Variants in EPB41L3 observed in about 807,000 individuals in gnomAD.
EPB41L3 encodes the protein erythrocyte membrane protein band 4.1 like 3.
Under a neutral mutation model 127.1 loss-of-function variants are expected in EPB41L3, and 57 were observed. That is an observed-to-expected ratio of 0.45 (90% CI 0.36 to 0.56). The LOEUF (loss-of-function observed/expected upper bound fraction) is 0.56, where lower values mean the gene tolerates loss of function less well. Ranked by LOEUF, EPB41L3 falls within the 20% of genes least tolerant of loss-of-function variation. EPB41L3 has a pLI of 0.00. For missense variants in EPB41L3, 1,273 were observed against 1,372.2 expected (o/e 0.93, Z 1.14); for synonymous variants, 572 against 549.5 (o/e 1.04, Z -0.57).
chr18:5,566,029 G>C (rs1458803482), intron 3 of EPB41L3, among the ~76,000 whole-genome samples: 1 of 152,040 alleles, frequency 6.6e-6, no homozygotes, highest in East Asian at 1.9e-4. Context: ...GCAAAAACTG[G>C]AAGCATTCCC....
chr18:5,541,252 CAAAA>C (rs370717420), intron 1 of EPB41L3, among the ~76,000 whole-genome samples: 27 of 46,766 alleles, frequency 5.8e-4, no homozygotes, highest in South Asian at 4.6e-3. Context: ...GACTCCATCT[CAAAA>C]AAAAAAAAAA....
In EPB41L3 at chr18:5,395,050, C is replaced by G. The variant is rs368350627; in HGVS notation, c.3153+17G>C. 1 of 1,611,636 alleles carries G rather than the reference C, an allele frequency of 6.2e-7. No homozygotes were observed. The highest frequency in any genetic ancestry group is 8.5e-7 in the Non-Finnish European group (1 of 1,177,846). On this transcript the variant is annotated intron_variant, in intron 21 of 22. Transcript: ENST00000341928. The stretch of plus-strand genomic sequence containing the variant: ...TTTGTTTCTCTGCCAGGGTATTTAC[C>G]GTCTCACACACACTACCTGGTCATG...
intron 3 of EPB41L3, among the ~76,000 whole-genome samples, chr18:5,561,224 G>A (rs1406819582): frequency 9.9e-5 from 15 of 152,004 alleles, no homozygotes; most frequent in Non-Finnish European, 1.8e-4. Context: ...TGATCCGCCC[G>A]CCTCGGCCTC....
chr18:5,614,065 T>C (rs2094762928), intron 2 of EPB41L3, among the ~76,000 whole-genome samples: 1 of 152,048 alleles, frequency 6.6e-6, no homozygotes, highest in South Asian at 2.1e-4. Context: ...GAAGGGCAAA[T>C]GATACAAGAT....
Position 5,397,391 on chromosome 18 carries a change from C to A in EPB41L3, c.2508G>T (p.Glu836Asp). ...METKTESSGI[E>D]TEPTVHHLPL... is the part of the protein sequence containing the mutation. ...GCAGGTGGTGCACGGTGGGTTCCGT[C>A]TCTATTCCACTGGACTCCGTCTTGG... The change falls in exon 18 of 23, where the codon GAG (glutamate) becomes GAT (aspartate). Residue 836 changes from glutamate (E) to aspartate (D), a missense_variant. Transcript: ENST00000341928. This position sits in a 1 kb window ranked among gnomAD's most constrained non-coding sequence, Gnocchi z 4.1. The A allele has an allele frequency of 6.2e-7, 1 of 1,613,498 alleles. No homozygotes were observed. Among genetic ancestry groups the A allele is most frequent in the South Asian group, 1.1e-5 (1 of 90,960 alleles).
At position 5,416,228 on chromosome 18, in the gene EPB41L3, C is replaced by A; in HGVS notation, c.1657G>T (p.Glu553Ter). ...GGGCCATCAGAGTCCAAGGCGGGCTCTCCAGGCAGGTGCTCAGCTCTGGAC... is the reference window on the plus strand; with the variant it reads ...GGGCCATCAGAGTCCAAGGCGGGCTATCCAGGCAGGTGCTCAGCTCTGGAC... Reference protein sequence around the residue: ...EPSRAEHLPGEPALDSDGPGR... With the variant: ...EPSRAEHLPG Residue 553 changes from glutamate (E) to a stop codon, truncating the protein, a stop_gained, in exon 13 of 23, where the codon GAG becomes TAG. Transcript: ENST00000341928. LOFTEE classifies it high-confidence loss of function. 6.2e-7 allele frequency: 1 copy of A among 1,614,160 alleles called. No homozygotes were observed. Among genetic ancestry groups the A allele is most frequent in the Non-Finnish European group, 8.5e-7 (1 of 1,180,042 alleles).
At chr18:5,628,694 C>G (rs1344399411) in intron 1 of EPB41L3, among the ~76,000 whole-genome samples, 4 of 152,282 alleles carry the variant, frequency 2.6e-5, no homozygotes, top group Admixed American at 2.6e-4. Context: ...AAGCGAAAGA[C>G]GCGGCCGGCG....
At chr18:5,403,118 C>A (rs2074777049) in intron 16 of EPB41L3, among the ~76,000 whole-genome samples, 1 of 152,178 alleles carries the variant, frequency 6.6e-6, no homozygotes, top group Non-Finnish European at 1.5e-5. Context: ...GGCTTAGATG[C>A]ATCATGAAAG....
chr18:5,399,103 C>T (rs2074074965), intron 16 of EPB41L3: 1 of 399,050 alleles, frequency 2.5e-6, no homozygotes, highest in Non-Finnish European at 4.4e-6. Context: ...TCCACTTTCT[C>T]ACCCTCTTTA....
At chr18:5,627,340 A>G (rs1028981798) in intron 1 of EPB41L3, among the ~76,000 whole-genome samples, 1 of 152,156 alleles carries the variant, frequency 6.6e-6, no homozygotes, top group Non-Finnish European at 1.5e-5. Context: ...TAAATACAAA[A>G]TTTCTCTAAA....
chr18:5,488,548 G>C (rs1410753577), intron 2 of EPB41L3, among the ~76,000 whole-genome samples: 3 of 150,136 alleles, frequency 2.0e-5, no homozygotes, highest in African/African-American at 4.9e-5. Context: ...ATGTGTCCCA[G>C]AGCTTAAAGT....
At chr18:5,522,370 T>C (rs1007322717) in intron 1 of EPB41L3, among the ~76,000 whole-genome samples, 4 of 152,146 alleles carry the variant, frequency 2.6e-5, no homozygotes, top group Non-Finnish European at 5.9e-5. Flanking sequence ...GTGATCTGCC[T>C]GTCTCGGCCT....
At chr18:5,396,830 G>C (rs73937120) in intron 18 of EPB41L3, among the ~76,000 whole-genome samples, 1 of 151,998 alleles carries the variant, frequency 6.6e-6, no homozygotes, top group Admixed American at 6.6e-5. Context: ...ACCATTTCCT[G>C]GTGCCATATT....
chr18:5,421,838 T>C (rs920226451), intron 11 of EPB41L3, among the ~76,000 whole-genome samples: 1 of 150,692 alleles, frequency 6.6e-6, no homozygotes, highest in Non-Finnish European at 1.5e-5. Context: ...GCGGGGGTGG[T>C]GGTGACGGAT....
intron 3 of EPB41L3, among the ~76,000 whole-genome samples, chr18:5,573,842 CG>C (rs2149262273): frequency 6.6e-6 from 1 of 151,482 alleles, no homozygotes; most frequent in South Asian, 2.1e-4. Flanking sequence ...AGAGCTCAGA[CG>C]AAGAATTACC....
At chr18:5,447,448 C>CTA (rs71368794) in intron 3 of EPB41L3, among the ~76,000 whole-genome samples, 1 of 114,130 alleles carries the variant, frequency 8.8e-6, no homozygotes, top group African/African-American at 3.2e-5. Flanking sequence ...AGCTAGACTA[C>CTA]TTTTTTTTTT....
intron 2 of EPB41L3, 48 bp from the exon 3 acceptor site, chr18:5,478,486 A>C: frequency 6.3e-7 from 1 of 1,580,322 alleles, no homozygotes; most frequent in South Asian, 1.1e-5. Context: ...GTGGGAAATA[A>C]ATATTGCATT....
chr18:5,606,397 G>GA (rs150014453), intron 3 of EPB41L3, among the ~76,000 whole-genome samples: 3,189 of 151,732 alleles, frequency 0.021, 103 homozygotes, highest in African/African-American at 0.073. Context: ...ATTCTATTTT[G>GA]AAAAAAAGAA....
At position 5,406,885 on chromosome 18, in the gene EPB41L3, T is replaced by C. The variant is rs2075479149; in HGVS notation, c.2241A>G (p.Thr747=). The change falls in exon 16 of 23, where the codon ACA becomes ACG. Residue 747 remains threonine (T), a synonymous_variant. Transcript: ENST00000341928. The stretch of plus-strand genomic sequence containing the variant: ...CCCATTCATTCGTTACGGCAGTGTC[T>C]GTTGAGGTTTCTAAGAAGGTTCTTT... ...ELKRTFLETS[T]DTAVTNEWEK... The C allele has an allele frequency of 6.2e-7, 1 of 1,614,226 alleles. No individual in the cohort carries two copies. Among genetic ancestry groups the C allele is most frequent in the Non-Finnish European group, 8.5e-7 (1 of 1,180,038 alleles).
Sources: allele counts gnomAD v4.1 joint callset (sites outside exome capture counted in the v4.1 genomes callset), GRCh38; gene constraint gnomAD v4.1.1; non-coding constraint Gnocchi (gnomAD v3.1); transcripts MANE v1.5; gene names NCBI Gene and HGNC (gene_info 2026-07-23, HGNC 2026-07-21).